The following SNAPC4 variants were observed in gnomAD, a reference collection of about 807,000 sequenced individuals.
SNAPC4 encodes small nuclear RNA activating complex polypeptide 4, also known as snRNA-activating protein complex subunit 4.
In SNAPC4, 127 loss-of-function variants were observed where a neutral mutation model predicts 151.3. The ratio of observed to expected loss-of-function variants is 0.84; its 90% CI spans 0.73 to 0.97. SNAPC4 has a LOEUF of 0.97. Ranked by LOEUF, SNAPC4 falls within the 50% of genes least tolerant of loss-of-function variation. SNAPC4 has a pLI of 0.00. For missense variants in SNAPC4, 2,186 were observed against 1,935.0 expected, an observed-to-expected ratio of 1.13 and a Z score of -2.43; for synonymous variants, 1,002 against 824.4, an observed-to-expected ratio of 1.22 and a Z score of -3.69.
intron 22 of SNAPC4, among the ~76,000 whole-genome samples, chr9:136,376,760 T>C (rs533907097): frequency 2.6e-5 from 4 of 152,298 alleles, no homozygotes; most frequent in African/African-American, 9.6e-5. Context: ...AGGCTGTACA[T>C]GGATGGGGCA....
intron 3 of SNAPC4, among the ~76,000 whole-genome samples, chr9:136,396,329 G>A (rs1029419424): frequency 1.3e-5 from 2 of 152,234 alleles, no homozygotes; most frequent in African/African-American, 2.4e-5. Flanking sequence ...GCAGCAAATC[G>A]CCAACGTTTT....
chr9:136,379,943 T>TC, intron 20 of SNAPC4, 79 bp from the exon 21 acceptor site: 10 of 1,484,056 alleles, frequency 6.7e-6, no homozygotes, highest in Non-Finnish European at 9.2e-6. Flanking sequence ...ATCTGGACTA[T>TC]CCCCTGCCAC....
intron 10 of SNAPC4, among the ~76,000 whole-genome samples, chr9:136,391,390 C>T (rs765568887): frequency 2.0e-5 from 3 of 152,150 alleles, no homozygotes; most frequent in South Asian, 2.1e-4. Flanking sequence ...TATTTAAAAA[C>T]GGAAACATAC....
At chr9:136,381,286 G>A (rs751675049) in intron 19 of SNAPC4, 36 bp downstream of exon 19, 23 of 1,566,120 alleles carry the variant, frequency 1.5e-5, no homozygotes, top group Non-Finnish European at 2.0e-5. Context: ...CTTTTTACAA[G>A]GCAAAGGAAA....
intron 1 of SNAPC4, chr9:136,398,699 G>A: frequency 2.6e-6 from 1 of 382,502 alleles, no homozygotes; most frequent in Non-Finnish European, 4.9e-6. Flanking sequence ...GCTGCAACCA[G>A]CACAGGCAGG....
At chr9:136,382,386 T>TG in intron 16 of SNAPC4, 50 bp from the exon 17 acceptor site, 1 of 1,510,448 alleles carries the variant, frequency 6.6e-7, no homozygotes, top group Non-Finnish European at 9.2e-7. Flanking sequence ...ACGGGACACA[T>TG]GGGGGCCCTC....
Position 136,377,653 on chromosome 9 carries a change from C to G in SNAPC4, c.4174G>C (p.Val1392Leu), listed in dbSNP as rs1314004223. 1.1e-5 allele frequency: 18 copies of G among 1,602,650 alleles called. No homozygotes were observed. Among genetic ancestry groups the G allele is most frequent in the Non-Finnish European group, 1.4e-5 (17 of 1,173,628 alleles). ...APQGVRTTLS[V>L]PSRVGSESED... ...CTCTCAGAGCCCACCCTCGAAGGTACTGAGAGGGTGGTGCGGACGCCTTGG... is the reference window on the plus strand; with the variant it reads ...CTCTCAGAGCCCACCCTCGAAGGTAGTGAGAGGGTGGTGCGGACGCCTTGG... The change falls in exon 22 of 24, where the codon GTA becomes CTA. Residue 1392 changes from valine to leucine, a missense_variant. Val to Leu is a conservative substitution (Grantham distance 32). Transcript: ENST00000684778.
Position 136,378,033 on chromosome 9 carries a change from T to A in SNAPC4, c.3794A>T (p.Glu1265Val). The A allele has an allele frequency of 6.3e-7, 1 of 1,588,328 alleles. No homozygotes were observed. The highest frequency in any genetic ancestry group is 8.6e-7 in the Non-Finnish European group (1 of 1,168,180). The change falls in exon 22 of 24, where the codon GAG becomes GTG. Residue 1265 changes from glutamate to valine, a missense_variant. Transcript: ENST00000684778. ...CAGGCCCAGGTCCAGGGCCCCCTTC[T>A]CAGGCCCAGGCTGGGGTAGGGGCGG... is the stretch of plus-strand genomic sequence containing the variant. ...EKPPLPQPGP[E>V]KGALDLGLLS...
chr9:136,376,796 C>T (rs928836119), intron 22 of SNAPC4, among the ~76,000 whole-genome samples: 2 of 152,210 alleles, frequency 1.3e-5, no homozygotes, highest in Admixed American at 6.5e-5. Flanking sequence ...CCTGGCTGGC[C>T]GGGGTCCTCC....
chr9:136,384,904 G>A, intron 13 of SNAPC4, 90 bp from the exon 14 acceptor site: 1 of 658,316 alleles, frequency 1.5e-6, no homozygotes, highest in South Asian at 1.8e-5. Context: ...TCTTGGATAT[G>A]ACACTAAAGG....
rs199663828 is a variant in SNAPC4 at position 136,387,861 on chromosome 9, G to A, written c.1124-13C>T. On this transcript the variant is annotated splice_polypyrimidine_tract_variant and intron_variant, in intron 11 of 23. Transcript: ENST00000684778. ...ATATAGTAGACAACTAGGGACAGAG[G>A]AACAGGGAGGTCCTGTGGGGCCGAG... The A allele has an allele frequency of 1.2e-5, 17 of 1,437,904 alleles. No homozygotes were observed. Among genetic ancestry groups the A allele is most frequent in the African/African-American group, 2.8e-5 (2 of 71,606 alleles). 89.1% of individuals were successfully genotyped at this position (1,437,904 alleles called of 1,614,324 possible).
intron 11 of SNAPC4, 141 bp downstream of exon 11, chr9:136,388,303 G>A: frequency 1.7e-6 from 1 of 605,506 alleles, no homozygotes; most frequent in Non-Finnish European, 2.7e-6. Flanking sequence ...GAGTCACCAA[G>A]AAGCGAACTG....
At chr9:136,376,546 G>C (rs1833454387) in intron 22 of SNAPC4, 65 bp from the exon 23 acceptor site, 8 of 1,590,236 alleles carry the variant, frequency 5.0e-6, no homozygotes, top group Non-Finnish European at 6.9e-6. Context: ...ACGGGGAAGG[G>C]ACGGGAGTGA....
At position 136,378,474 on chromosome 9, in the gene SNAPC4, TCA is replaced by T. The variant is rs1564377256; in HGVS notation, c.3351_3352del (p.Glu1118AspfsTer68). On this transcript the variant is annotated frameshift_variant, in exon 22 of 24. Transcript: ENST00000684778. LOFTEE classifies it high-confidence loss of function. ...CCTGGGGCCCTGGGCCGCCCGAGTC[TCA>T]GTCAGGGGAGGCAGCAGAGTGGCCA... 1 of 1,589,082 alleles carries T rather than the reference TCA, an allele frequency of 6.3e-7. No individual in the cohort carries two copies. Among genetic ancestry groups the T allele is most frequent in the African/African-American group, 1.3e-5 (1 of 74,374 alleles).
In SNAPC4 at chr9:136,378,372, G is replaced by C. The variant is rs751926069; in HGVS notation, c.3455C>G (p.Thr1152Ser). ...GAGGGCGTGTGTGGGAGGAGCTGGG[G>C]TGTCTGTCCTGCAGGAAGGCTCCGG... is the stretch of plus-strand genomic sequence containing the variant. Reference protein sequence around the residue: ...REPEPSCRTDTPAPPTHALSQ... With the variant: ...REPEPSCRTDSPAPPTHALSQ... The change falls in exon 22 of 24, where the codon ACC (threonine) becomes AGC (serine). Residue 1152 changes from threonine to serine, a missense_variant. Coordinates refer to ENST00000684778, the MANE Select transcript of SNAPC4 (RefSeq NM_003086.4). The C allele has an allele frequency of 8.1e-6, 13 of 1,611,248 alleles. No homozygotes were observed. Among genetic ancestry groups the C allele is most frequent in the Non-Finnish European group, 1.1e-5 (13 of 1,179,614 alleles).
At chr9:136,395,276 G>A (rs755465476) in intron 5 of SNAPC4, 22 bp downstream of exon 5, 2 of 1,609,988 alleles carry the variant, frequency 1.2e-6, no homozygotes, top group East Asian at 2.2e-5. Context: ...TTGCCGACAA[G>A]AGCAGGGCCT....
chr9:136,395,084 C>T (rs907966174), intron 5 of SNAPC4, among the ~76,000 whole-genome samples: 11 of 152,230 alleles, frequency 7.2e-5, no homozygotes, highest in Admixed American at 4.6e-4. Context: ...GGCACCTCCA[C>T]GAGGGCTTGC....
At chr9:136,379,350 G>A (rs1181774329) in intron 21 of SNAPC4, 51 bp from the exon 22 acceptor site, 2 of 1,605,988 alleles carry the variant, frequency 1.2e-6, no homozygotes, top group Admixed American at 3.4e-5. Flanking sequence ...TCTGGCCCAG[G>A]GACAGCCCCT....
In SNAPC4 at chr9:136,379,297, G is replaced by A. The variant is rs1189131571; in HGVS notation, c.2530C>T (p.His844Tyr). The A allele has an allele frequency of 1.9e-6, 3 of 1,612,550 alleles. No individual in the cohort carries two copies. Among genetic ancestry groups the A allele is most frequent in the African/African-American group, 1.3e-5 (1 of 75,054 alleles). The change falls in exon 22 of 24, where the codon CAC (histidine) becomes TAC (tyrosine). Residue 844 changes from histidine to tyrosine, a missense_variant and splice_region_variant. Transcript: ENST00000684778. Reference sequence around the variant, plus strand: ...TGAGCCGGCACGTTTGGGAAGAGGTGGCCTGTGGGGAGGAAAGACCCACAC... The same window carrying A: ...TGAGCCGGCACGTTTGGGAAGAGGTAGCCTGTGGGGAGGAAAGACCCACAC... Reference protein sequence around the residue: ...ASSSAQSTPGHLFPNVPAQEA... With the variant: ...ASSSAQSTPGYLFPNVPAQEA...
Sources: allele counts gnomAD v4.1 joint callset (sites outside exome capture counted in the v4.1 genomes callset), GRCh38; gene constraint gnomAD v4.1.1; transcripts MANE v1.5; gene names NCBI Gene and HGNC (gene_info 2026-07-23, HGNC 2026-07-21).